NOX4: variants seen among roughly 807,000 people sequenced by gnomAD.
NOX4 encodes the protein NADPH oxidase 4, also known as kidney oxidase-1.
NOX4 carries 69 observed loss-of-function variants against 87.6 expected under a neutral mutation model. The ratio of observed to expected loss-of-function variants is 0.79; its 90% CI spans 0.65 to 0.96. The LOEUF is 0.96. Among genes scored for constraint, NOX4 ranks in the 40% least tolerant of loss-of-function variants. NOX4 has a pLI of 0.00. For synonymous variants in NOX4, 275 were observed against 238.2 expected, an observed-to-expected ratio of 1.15 and a Z score of -1.42; for missense variants, 680 against 681.5, an observed-to-expected ratio of 1.00 and a Z score of 0.02.
Position 89,402,415 on chromosome 11 carries a change from C to T in NOX4, c.757G>A (p.Glu253Lys), listed in dbSNP as rs1166367508. The change falls in exon 9 of 18, where the codon GAA becomes AAA. Residue 253 changes from glutamate (E) to lysine (K), a missense_variant. Transcript: ENST00000263317. ...AACTCTGCCGGTTTTGAAAATCCTT[C>T]AGGGAAAGGTTCATGAAAATGTTCT... The part of the protein sequence containing the change: ...FSEHFHEPFP[E>K]GFSKPAEFTQ... 6.2e-7 allele frequency: 1 copy of T among 1,613,262 alleles called. No homozygotes were observed. The highest frequency in any genetic ancestry group is 1.1e-5 in the South Asian group (1 of 90,994).
the NOX4 span, among the ~76,000 whole-genome samples, chr11:89,512,857 G>T: frequency 6.6e-6 from 1 of 152,216 alleles, no homozygotes; most frequent in East Asian, 1.9e-4. Flanking sequence ...TAGCAACACA[G>T]ATAGGGAAAG....
intron 4 of NOX4, among the ~76,000 whole-genome samples, chr11:89,446,666 C>T (rs377133888): frequency 1.3e-3 from 191 of 152,138 alleles, no homozygotes; most frequent in South Asian, 9.5e-3. Flanking sequence ...CTAGAAAAGG[C>T]AGAATTATGG....
intron 6 of NOX4, among the ~76,000 whole-genome samples, chr11:89,439,735 T>C (rs1944375010): frequency 6.6e-6 from 1 of 152,194 alleles, no homozygotes; most frequent in African/African-American, 2.4e-5. Context: ...AGAAGACTTT[T>C]AGCAAAAATT....
At chr11:89,390,868 C>CT in intron 11 of NOX4, among the ~76,000 whole-genome samples, 1 of 152,230 alleles carries the variant, frequency 6.6e-6, no homozygotes, top group Non-Finnish European at 1.5e-5. Context: ...AAATATTAGA[C>CT]TTTAATTAAA....
intron 8 of NOX4, among the ~76,000 whole-genome samples, chr11:89,405,143 T>C (rs1329521496): frequency 1.4e-5 from 2 of 140,426 alleles, no homozygotes. Context: ...TAATTTAGGG[T>C]CTTAATACCA....
chr11:89,373,580 T>C, intron 11 of NOX4, 88 bp from the exon 12 acceptor site: 1 of 819,900 alleles, frequency 1.2e-6, no homozygotes, highest in East Asian at 2.6e-5. Context: ...TGATAGCAAG[T>C]CCCCCATATC....
At chr11:89,555,407 C>A in the NOX4 span, among the ~76,000 whole-genome samples, 1 of 152,016 alleles carries the variant, frequency 6.6e-6, no homozygotes, top group Non-Finnish European at 1.5e-5. Context: ...ATCACTTGAA[C>A]CCGGGATGTT....
chr11:89,426,173 T>C (rs936235094), intron 7 of NOX4, among the ~76,000 whole-genome samples: 1 of 152,180 alleles, frequency 6.6e-6, no homozygotes, highest in African/African-American at 2.4e-5. Context: ...AAGTTTTGTA[T>C]AGAACATCAT....
chr11:89,401,033 C>T (rs1247083047), intron 9 of NOX4, among the ~76,000 whole-genome samples: 2 of 152,064 alleles, frequency 1.3e-5, no homozygotes. Flanking sequence ...CACATGCAAA[C>T]TTTGGGAAGT....
the NOX4 span, among the ~76,000 whole-genome samples, chr11:89,507,101 A>C: frequency 3.9e-5 from 6 of 151,976 alleles, no homozygotes; most frequent in African/African-American, 1.4e-4. Flanking sequence ...TAAAAACTAT[A>C]TTCTATATTT....
intron 13 of NOX4, among the ~76,000 whole-genome samples, chr11:89,351,935 A>G (rs1268052455): frequency 1.3e-5 from 2 of 152,208 alleles, no homozygotes; most frequent in African/African-American, 4.8e-5. Context: ...AACAAAAAAG[A>G]ACAAAATAAT....
At chr11:89,417,875 G>A (rs1454362294) in intron 8 of NOX4, among the ~76,000 whole-genome samples, 1 of 151,984 alleles carries the variant, frequency 6.6e-6, no homozygotes, top group Non-Finnish European at 1.5e-5. Context: ...AAAAAGCAAG[G>A]ACAAATTATC....
the NOX4 span, among the ~76,000 whole-genome samples, chr11:89,581,491 TTAATA>T: frequency 6.6e-6 from 1 of 152,182 alleles, no homozygotes. Flanking sequence ...TTAAACACTT[TTAATA>T]TAATTTTGAG....
chr11:89,432,649 A>C (rs900953759), intron 7 of NOX4, 135 bp downstream of exon 7: 1 of 590,898 alleles, frequency 1.7e-6, no homozygotes, highest in Non-Finnish European at 3.0e-6. Flanking sequence ...GTATAGAAAC[A>C]GCTATACTTC....
At chr11:89,405,760 A>G (rs1329155304) in intron 8 of NOX4, among the ~76,000 whole-genome samples, 1 of 151,244 alleles carries the variant, frequency 6.6e-6, no homozygotes, top group Admixed American at 6.6e-5. Flanking sequence ...AAGAAAAAAA[A>G]AAAAAAACTT....
chr11:89,536,598 T>A, the NOX4 span, among the ~76,000 whole-genome samples: 1 of 152,140 alleles, frequency 6.6e-6, no homozygotes, highest in Non-Finnish European at 1.5e-5. Flanking sequence ...TCATCAGGAG[T>A]GACTCAATAA....
At chr11:89,402,037 T>A (rs1333112496) in intron 9 of NOX4, among the ~76,000 whole-genome samples, 3 of 152,210 alleles carry the variant, frequency 2.0e-5, no homozygotes, top group African/African-American at 7.2e-5. Context: ...TTTTCTCAAA[T>A]GATGGGAAAA....
Position 89,400,248 on chromosome 11 carries a change from C to T in NOX4, c.978G>A (p.Met326Ile). 1 of 1,612,802 alleles carries T rather than the reference C, an allele frequency of 6.2e-7. No homozygotes were observed. The highest frequency in any genetic ancestry group is 8.5e-7 in the Non-Finnish European group (1 of 1,179,262). ...GTCTTGCTTTAAAATTTTCTTTGAC[C>T]ATTCGGATTTCCATGACATCTGAGG... ...SHPSDVMEIR[M>I]VKENFKARPG... is the part of the protein sequence containing the mutation. Residue 326 changes from methionine to isoleucine, a missense_variant, in exon 10 of 18, where the codon ATG becomes ATA. Physicochemically the swap from Met to Ile is conservative, Grantham distance 10 (BLOSUM62 1). Coordinates refer to ENST00000263317, the MANE Select transcript of NOX4 (RefSeq NM_016931.5).
intron 12 of NOX4, among the ~76,000 whole-genome samples, 155 bp downstream of exon 12, chr11:89,373,277 C>CAAAAAAAAAAAAAAAAAAAA (rs144113376): frequency 1.4e-4 from 8 of 59,084 alleles, no homozygotes; most frequent in Non-Finnish European, 2.5e-4. Context: ...ACTGTACAAG[C>CAAAAAAAAAAAAAAAAAAAA]AAAAAAAAAA....
Sources: allele counts gnomAD v4.1 joint callset (sites outside exome capture counted in the v4.1 genomes callset), GRCh38; gene constraint gnomAD v4.1.1; transcripts MANE v1.5; gene names NCBI Gene and HGNC (gene_info 2026-07-23, HGNC 2026-07-21).